The following MTIF2 variants were observed in gnomAD, a reference collection of about 807,000 sequenced individuals.
MTIF2 encodes translation initiation factor IF-2, mitochondrial.
A neutral mutation model predicts 83.5 loss-of-function variants in MTIF2; 71 were observed. That is an observed-to-expected ratio of 0.85 (90% CI 0.70 to 1.04). The LOEUF (loss-of-function observed/expected upper bound fraction) is 1.04, where lower values mean the gene tolerates loss of function less well. Among genes scored for constraint, MTIF2 ranks in the 50% least tolerant of loss-of-function variants. The pLI is 0.00. For synonymous variants in MTIF2, 319 were observed against 287.1 expected, an observed-to-expected ratio of 1.11 and a Z score of -1.12; for missense variants, 957 against 846.5, an observed-to-expected ratio of 1.13 and a Z score of -1.62.
intron 5 of MTIF2, among the ~76,000 whole-genome samples, chr2:55,259,672 C>A (rs1677810953): frequency 6.6e-6 from 1 of 152,202 alleles, no homozygotes; most frequent in Non-Finnish European, 1.5e-5. Flanking sequence ...TTGCCAGGCG[C>A]AGTGGCTCAC....
chr2:55,263,156 C>T (rs951293818), intron 4 of MTIF2, among the ~76,000 whole-genome samples: 6 of 152,154 alleles, frequency 3.9e-5, no homozygotes, highest in South Asian at 2.1e-4. Context: ...CCACCACATC[C>T]GGCCATAGCT....
At chr2:55,261,646 G>C (rs1678003926) in intron 5 of MTIF2, among the ~76,000 whole-genome samples, 1 of 151,758 alleles carries the variant, frequency 6.6e-6, no homozygotes, top group Non-Finnish European at 1.5e-5. Flanking sequence ...AAGGAAATCA[G>C]AAAATTATAG....
In MTIF2 at chr2:55,236,754, C is replaced by T. The variant is rs975088632; in HGVS notation, c.2078G>A (p.Gly693Asp). The T allele has an allele frequency of 6.2e-7, 1 of 1,611,868 alleles. No homozygotes were observed. The highest frequency in any genetic ancestry group is 1.3e-5 in the African/African-American group (1 of 74,956). The change falls in exon 16 of 16, where the codon GGT becomes GAT. Residue 693 changes from glycine (G) to aspartate (D), a missense_variant. Gly to Asp is a moderately conservative substitution (Grantham distance 94). Around this residue, in one of 3 missense-constraint regions of MTIF2, gnomAD observed 221 missense variants for 180.6 expected, o/e 1.22. Coordinates refer to ENST00000263629, the MANE Select transcript of MTIF2 (RefSeq NM_002453.3). ...ISIVKTGMDC[G>D]LSLDEDNMEF... ...CATATTGTCTTCATCTAAACTGAGA[C>T]CACAATCCATTCCCGTTTTGACAAT... is the stretch of plus-strand genomic sequence containing the variant.
chr2:55,237,574 A>G, intron 14 of MTIF2, 146 bp from the exon 15 acceptor site: 1 of 574,558 alleles, frequency 1.7e-6, no homozygotes. Context: ...TTTAACTCCA[A>G]TTTTATTTTC....
In MTIF2 at chr2:55,254,820, C is replaced by A. The variant is rs1282360057; in HGVS notation, c.337G>T (p.Val113Leu). The A allele has an allele frequency of 6.4e-7, 1 of 1,564,310 alleles. No homozygotes were observed. The highest frequency in any genetic ancestry group is 1.2e-5 in the South Asian group (1 of 82,762). Residue 113 changes from valine to leucine, a missense_variant, in exon 6 of 16, where the codon GTA (valine) becomes TTA (leucine). Coordinates refer to ENST00000263629, the MANE Select transcript of MTIF2 (RefSeq NM_002453.3). ...ARAMEKNTDY[V>L]YEALLNTDID... Reference sequence around the variant, plus strand: ...TCAGTGTTCAATAAAGCTTCATATACATAATCTGATTGGAATAAAATAAAA... The same window carrying A: ...TCAGTGTTCAATAAAGCTTCATATAAATAATCTGATTGGAATAAAATAAAA...
At chr2:55,268,051 G>A in intron 2 of MTIF2, among the ~76,000 whole-genome samples, 1 of 151,970 alleles carries the variant, frequency 6.6e-6, no homozygotes, top group East Asian at 1.9e-4. Flanking sequence ...TCAGGAGTTC[G>A]AGACCAGCCT....
intron 3 of MTIF2, 45 bp from the exon 4 acceptor site, chr2:55,263,910 A>G: frequency 7.0e-7 from 1 of 1,425,292 alleles, no homozygotes; most frequent in Non-Finnish European, 9.8e-7. Context: ...AAATCAAGTT[A>G]GCAAATATTA....
chr2:55,237,796 G>A (rs1318472732), intron 14 of MTIF2, among the ~76,000 whole-genome samples: 3 of 151,026 alleles, frequency 2.0e-5, no homozygotes, highest in East Asian at 2.0e-4. Context: ...GATTACAGGC[G>A]CCCACAACCA....
rs770359991 is a variant in MTIF2 at position 55,237,324 on chromosome 2, ATTT to A, written c.1972_1974del (p.Lys658del). On this transcript the variant is annotated inframe_deletion, in exon 15 of 16. Coordinates refer to ENST00000263629, the MANE Select transcript of MTIF2 (RefSeq NM_002453.3). The stretch of plus-strand genomic sequence containing the variant: ...ACATGTCCATTACGGGTTAGTTTAA[ATTT>A]TTTTTGTTTTTCTAACTGTCCCTTT... 5.0e-6 allele frequency: 8 copies of A among 1,612,142 alleles called. No homozygotes were observed. The highest frequency in any genetic ancestry group is 6.8e-6 in the Non-Finnish European group (8 of 1,179,526).
At chr2:55,254,281 C>A in intron 6 of MTIF2, 80 bp from the exon 7 acceptor site, 2 of 1,444,472 alleles carry the variant, frequency 1.4e-6, no homozygotes, top group South Asian at 1.3e-5. Flanking sequence ...ACATTTATCC[C>A]TGTGAACTAC....
rs113295622 is a variant in MTIF2 at position 55,237,483 on chromosome 2, G to A, written c.1871-55C>T. The A allele has an allele frequency of 5.6e-5, 84 of 1,499,026 alleles. 1 individual carries two copies. Among genetic ancestry groups the A allele is most frequent in the African/African-American group, 1.3e-4 (9 of 70,422 alleles). 92.9% of individuals were successfully genotyped at this position (1,499,026 alleles called of 1,614,324 possible). A position where few individuals can be genotyped will look rare whatever the true frequency, so the allele number is the denominator to read the frequency against. ...GAAAACTAAAGATTCTGATAAATAC[G>A]TAATTTCTGACATTCTGTGGTATAA... is the stretch of plus-strand genomic sequence containing the variant. On this transcript the variant is annotated intron_variant, in intron 14 of 15. Transcript: ENST00000263629.
At chr2:55,241,963 A>G (rs780733036) in intron 13 of MTIF2, among the ~76,000 whole-genome samples, 4 of 151,912 alleles carry the variant, frequency 2.6e-5, no homozygotes, top group Non-Finnish European at 5.9e-5. Flanking sequence ...CCTGGCCAAC[A>G]TGGTGAAACC....
intron 6 of MTIF2, 37 bp from the exon 7 acceptor site, chr2:55,254,238 A>G: frequency 6.3e-7 from 1 of 1,597,528 alleles, no homozygotes; most frequent in Non-Finnish European, 8.5e-7. Context: ...TTTCTTAAAT[A>G]TCAGAAATAC....
In MTIF2 at chr2:55,243,580, C is replaced by A. The variant is rs765417017; in HGVS notation, c.1400G>T (p.Arg467Leu). The part of the protein sequence containing the change: ...QEDLKIIEEK[R>L]KEHKEAHQKA... Reference sequence around the variant, plus strand: ...CTGATGTGCTTCTTTGTGTTCCTTTCGCTTTTCTTCTATTATTTTCAGATC... The same window carrying A: ...CTGATGTGCTTCTTTGTGTTCCTTTAGCTTTTCTTCTATTATTTTCAGATC... The change falls in exon 12 of 16, where the codon CGA (arginine) becomes CTA (leucine). Residue 467 changes from arginine to leucine, a missense_variant. Coordinates refer to ENST00000263629, the MANE Select transcript of MTIF2 (RefSeq NM_002453.3). 60 of 1,614,008 alleles carry A rather than the reference C, an allele frequency of 3.7e-5. No homozygotes were observed. The South Asian group carries it at 6.1e-4, about 17-fold the overall frequency.
intron 15 of MTIF2, 60 bp from the exon 16 acceptor site, chr2:55,236,880 T>C: frequency 7.8e-7 from 1 of 1,276,102 alleles, no homozygotes. Flanking sequence ...TACTAAATAC[T>C]ACATTATGTG....
Position 55,254,764 on chromosome 2 carries a change from T to C in MTIF2, c.393A>G (p.Ser131=), listed in dbSNP as rs549543215. ...DIDIDSLEAD[S]HLDEVWIKEV... The stretch of plus-strand genomic sequence containing the variant: ...CTTTGATCCAGACTTCATCTAAATG[T>C]GAGTCTGCTTCCAGTGAATCTATGT... The change falls in exon 6 of 16, where the codon TCA becomes TCG. Residue 131 remains serine (S), a synonymous_variant. Coordinates refer to ENST00000263629, the MANE Select transcript of MTIF2 (RefSeq NM_002453.3). 2 of 1,610,124 alleles carry C rather than the reference T, an allele frequency of 1.2e-6. No homozygotes were observed. Among genetic ancestry groups the C allele is most frequent in the East Asian group, 4.5e-5 (2 of 44,582 alleles).
chr2:55,268,553 A>C (rs535274211), intron 2 of MTIF2, 25 bp downstream of exon 2: 1 of 152,228 alleles, frequency 6.6e-6, no homozygotes, highest in Non-Finnish European at 1.5e-5. Context: ...CAAATGTCAA[A>C]ACTGGAAGGA....
At chr2:55,267,196 G>T (rs192083565) in intron 3 of MTIF2, among the ~76,000 whole-genome samples, 1 of 151,556 alleles carries the variant, frequency 6.6e-6, no homozygotes, top group Non-Finnish European at 1.5e-5. Flanking sequence ...TTTGCTCATC[G>T]CTCAGGCTGG....
At chr2:55,264,925 G>C (rs1341871571) in intron 3 of MTIF2, among the ~76,000 whole-genome samples, 2 of 151,956 alleles carry the variant, frequency 1.3e-5, no homozygotes, top group African/African-American at 4.8e-5. Context: ...TTAAGGACAG[G>C]AACGACAAAA....
Sources: gnomAD v4.1 joint callset for allele counts (sites outside exome capture counted in the v4.1 genomes callset) on GRCh38, gnomAD v4.1.1 for gene constraint, gnomAD v4.1.1 regional missense constraint, MANE v1.5 for transcripts, NCBI Gene and HGNC (gene_info 2026-07-23, HGNC 2026-07-21) for gene names.